Variants in MACROD2 observed in about 807,000 individuals in gnomAD.
MACROD2 encodes mono-ADP ribosylhydrolase 2.
MACROD2 carries 36 observed loss-of-function variants against 70.4 expected under a neutral mutation model. The ratio of observed to expected loss-of-function variants is 0.51; its 90% CI spans 0.39 to 0.68. The LOEUF is 0.68. Among genes scored for constraint, MACROD2 ranks in the 30% least tolerant of loss-of-function variants. The pLI is 0.00. For synonymous variants in MACROD2, 172 were observed against 178.8 expected (o/e 0.96, Z 0.30); for missense variants, 496 against 538.4 (o/e 0.92, Z 0.78).
chr20:15,611,732 T>C (rs200742), intron 8 of MACROD2, among the ~76,000 whole-genome samples: 87,119 of 150,618 alleles, frequency 0.58, 27,165 homozygotes, highest in African/African-American at 0.84. Flanking sequence ...TGTGGAAATA[T>C]GGCTCTGTAA....
intron 5 of MACROD2, among the ~76,000 whole-genome samples, chr20:15,036,970 G>T (rs1223453846): frequency 1.3e-5 from 2 of 151,568 alleles, no homozygotes; most frequent in Non-Finnish European, 2.9e-5. Flanking sequence ...TAATCTTTAT[G>T]TGTTCTTTTA....
chr20:15,493,165 A>G (rs147889238), intron 7 of MACROD2, among the ~76,000 whole-genome samples: 10 of 152,264 alleles, frequency 6.6e-5, no homozygotes, highest in African/African-American at 2.2e-4. Flanking sequence ...TCGCCTGGAC[A>G]TTGGTCTCTA....
intron 5 of MACROD2, among the ~76,000 whole-genome samples, chr20:15,227,832 T>TTG (rs1555794528): frequency 4.0e-5 from 5 of 124,774 alleles, no homozygotes; most frequent in South Asian, 2.6e-4. Flanking sequence ...TGTTTTTTTT[T>TTG]TTTTTTTTTT....
intron 4 of MACROD2, among the ~76,000 whole-genome samples, chr20:14,605,473 G>C (rs1982745581): frequency 6.6e-6 from 1 of 152,062 alleles, no homozygotes; most frequent in African/African-American, 2.4e-5. Context: ...CATGATCATT[G>C]GCAAAGACAT....
intron 5 of MACROD2, among the ~76,000 whole-genome samples, chr20:15,226,509 C>A (rs140839982): frequency 6.6e-6 from 1 of 152,134 alleles, no homozygotes; most frequent in Non-Finnish European, 1.5e-5. Flanking sequence ...TATATATGTC[C>A]ACTATGAAGA....
chr20:14,270,249 G>A (rs1004002410), intron 3 of MACROD2, among the ~76,000 whole-genome samples: 1 of 152,180 alleles, frequency 6.6e-6, no homozygotes, highest in African/African-American at 2.4e-5. Flanking sequence ...ATACGTGTGT[G>A]TGTGTATAAA....
At chr20:15,155,854 G>A (rs2076303297) in intron 5 of MACROD2, among the ~76,000 whole-genome samples, 2 of 150,282 alleles carry the variant, frequency 1.3e-5, no homozygotes. Flanking sequence ...ATGAGGAATA[G>A]AAAAAAAAAA....
In MACROD2 at chr20:14,852,142, G is replaced by A. The variant is rs192367840; in HGVS notation, c.418+167183G>A. Among the ~76,000 whole-genome samples, 71 of 152,244 alleles carry A rather than the reference G, an allele frequency of 4.7e-4. 1 individual carries two copies. Among genetic ancestry groups the A allele is most frequent in the Non-Finnish European group, 1.9e-4 (13 of 67,996 alleles). On this transcript the variant is annotated intron_variant, in intron 5 of 17. Coordinates refer to ENST00000684519, the MANE Select transcript of MACROD2 (RefSeq NM_001351661.2). ...CACTCCATGAGGGATGGGAGCAGGCGGGAGGAGGAAGCGCAGGAGCCAGCT... is the reference window on the plus strand; with the variant it reads ...CACTCCATGAGGGATGGGAGCAGGCAGGAGGAGGAAGCGCAGGAGCCAGCT...
chr20:15,095,487 AGTTTTTTGTTTTGTTTTGT>A (rs1194711691), intron 5 of MACROD2, among the ~76,000 whole-genome samples: 4 of 151,672 alleles, frequency 2.6e-5, no homozygotes, highest in East Asian at 2.0e-4. Flanking sequence ...GAAGATTTAT[AGTTTTTTGTTTTGTTTTGT>A]GTTTTTTGTT....
chr20:15,406,862 C>T (rs898311955), intron 6 of MACROD2, among the ~76,000 whole-genome samples: 18 of 152,144 alleles, frequency 1.2e-4, no homozygotes, highest in African/African-American at 4.1e-4. Flanking sequence ...TGCGACGTGT[C>T]GAGTCTTGAA....
chr20:14,573,624 A>G (rs548940177), intron 4 of MACROD2, among the ~76,000 whole-genome samples: 1 of 151,860 alleles, frequency 6.6e-6, no homozygotes, highest in Non-Finnish European at 1.5e-5. Context: ...TTCTTTATTC[A>G]GGTGTTCCTT....
intron 6 of MACROD2, among the ~76,000 whole-genome samples, chr20:15,231,250 C>T (rs1013126033): frequency 3.3e-5 from 5 of 151,868 alleles, no homozygotes; most frequent in African/African-American, 7.2e-5. Flanking sequence ...AAATTTTGTT[C>T]GCAAATGGCT....
chr20:15,652,075 C>T (rs1458187956), intron 8 of MACROD2, among the ~76,000 whole-genome samples: 1 of 152,122 alleles, frequency 6.6e-6, no homozygotes, highest in Non-Finnish European at 1.5e-5. Context: ...GAACCTTGCT[C>T]ACAGCATTTG....
chr20:14,401,047 T>A (rs942944313), intron 3 of MACROD2, among the ~76,000 whole-genome samples: 5 of 152,162 alleles, frequency 3.3e-5, no homozygotes, highest in Non-Finnish European at 7.4e-5. Context: ...GGCTGGTCAA[T>A]TTAAACTCTT....
intron 4 of MACROD2, among the ~76,000 whole-genome samples, chr20:14,561,488 A>G (rs775016000): frequency 4.6e-5 from 7 of 151,932 alleles, no homozygotes; most frequent in African/African-American, 1.4e-4. Context: ...TTTCATCTCT[A>G]TGTTAGGTTT....
intron 5 of MACROD2, among the ~76,000 whole-genome samples, chr20:15,213,349 T>C (rs188153235): frequency 1.3e-5 from 2 of 152,288 alleles, no homozygotes; most frequent in East Asian, 3.9e-4. Flanking sequence ...TTTTCTTCTT[T>C]GGACTTAAAT....
chr20:15,071,053 CA>C (rs907126271), intron 5 of MACROD2, among the ~76,000 whole-genome samples: 2 of 152,034 alleles, frequency 1.3e-5, no homozygotes, highest in Non-Finnish European at 2.9e-5. Context: ...ATGACTTTAA[CA>C]ATGGGCTTTG....
chr20:15,853,234 A>G (rs1312806477), intron 8 of MACROD2, among the ~76,000 whole-genome samples: 1 of 152,096 alleles, frequency 6.6e-6, no homozygotes, highest in East Asian at 1.9e-4. Flanking sequence ...CAAGCAACTG[A>G]TGTTTATGGA....
chr20:14,888,546 C>T (rs2049599183), intron 5 of MACROD2: 1 of 152,120 alleles, frequency 6.6e-6, no homozygotes, highest in African/African-American at 2.4e-5. Flanking sequence ...CTAGTGATGC[C>T]CCTCTGTTGT....
Sources: gnomAD v4.1 joint callset for allele counts (sites outside exome capture counted in the v4.1 genomes callset) on GRCh38, gnomAD v4.1.1 for gene constraint, MANE v1.5 for transcripts, NCBI Gene and HGNC (gene_info 2026-07-23, HGNC 2026-07-21) for gene names.